EYS: variants seen among roughly 807,000 people sequenced by gnomAD.
EYS encodes the protein EGF-like photoreceptor maintenance factor, also known as protein eyes shut homolog.
EYS carries 250 observed loss-of-function variants against 282.1 expected under a neutral mutation model. That is an observed-to-expected ratio of 0.89 (90% confidence interval 0.80 to 0.98). The LOEUF is 0.98. Among genes scored for constraint, EYS ranks in the 50% least tolerant of loss-of-function variants. The probability of loss-of-function intolerance (pLI) is 0.00; values close to 1 mark genes in which losing one functional copy is unlikely to be tolerated. For missense variants in EYS, 4,016 were observed against 3,709.0 expected, an observed-to-expected ratio of 1.08 and a Z score of -2.15; for synonymous variants, 1,355 against 1,282.9, an observed-to-expected ratio of 1.06 and a Z score of -1.20.
intron 12 of EYS, among the ~76,000 whole-genome samples, chr6:65,104,698 C>A (rs1345203633): frequency 6.6e-6 from 1 of 151,370 alleles, no homozygotes; most frequent in African/African-American, 2.4e-5. Context: ...AATATTGTGA[C>A]CTCTCTTCAA....
chr6:64,148,693 T>C (rs953595160), intron 31 of EYS, among the ~76,000 whole-genome samples: 3 of 152,168 alleles, frequency 2.0e-5, no homozygotes, highest in African/African-American at 7.2e-5. Context: ...CTTTGTCCTA[T>C]ACTTTCTTTG....
intron 8 of EYS, among the ~76,000 whole-genome samples, chr6:65,365,432 C>G (rs567877561): frequency 6.6e-6 from 1 of 151,656 alleles, no homozygotes; most frequent in African/African-American, 2.4e-5. Flanking sequence ...TGTATCTCCC[C>G]CTGTGTGAGT....
rs576290881 is a variant in EYS, at chr6:65,555,703, C to T, written c.-332-59710G>A. ...CAAATTAATAACTGTTTCTTACTTTCGTAATTAGTTTTTGGGACTCTAATT... is the reference window on the plus strand; with the variant it reads ...CAAATTAATAACTGTTTCTTACTTTTGTAATTAGTTTTTGGGACTCTAATT... On this transcript the variant is annotated intron_variant, in intron 2 of 42. Coordinates refer to ENST00000503581, the MANE Select transcript of EYS (RefSeq NM_001142800.2). Among the ~76,000 whole-genome samples, 186 of 152,162 alleles carry T rather than the reference C, an allele frequency of 1.2e-3. 1 individual carries two copies. The highest frequency in any genetic ancestry group is 6.8e-3 in the Middle Eastern group (2 of 294).
intron 35 of EYS, among the ~76,000 whole-genome samples, chr6:63,952,024 C>T (rs1371791219): frequency 6.6e-6 from 1 of 152,190 alleles, no homozygotes; most frequent in African/African-American, 2.4e-5. Flanking sequence ...ACTAACCTCA[C>T]CTTCAAGGTG....
At chr6:65,699,018 C>T (rs138129339) in intron 1 of EYS, among the ~76,000 whole-genome samples, 83 of 152,256 alleles carry the variant, frequency 5.5e-4, no homozygotes, top group African/African-American at 1.8e-3. Context: ...TGATTCAGCA[C>T]GAGCTTTATT....
intron 2 of EYS, among the ~76,000 whole-genome samples, chr6:65,639,119 T>A (rs1455864003): frequency 6.6e-6 from 1 of 152,180 alleles, no homozygotes; most frequent in South Asian, 2.1e-4. Flanking sequence ...ATCCTCTTAG[T>A]TGCCAAATCT....
At chr6:64,858,832 T>C (rs1267304708) in intron 19 of EYS, among the ~76,000 whole-genome samples, 1 of 152,170 alleles carries the variant, frequency 6.6e-6, no homozygotes, top group Non-Finnish European at 1.5e-5. Context: ...AAAGGGAATG[T>C]ACCTCAACAC....
intron 26 of EYS, among the ~76,000 whole-genome samples, chr6:64,469,744 CCTA>C (rs1776049469): frequency 6.6e-6 from 1 of 152,046 alleles, no homozygotes; most frequent in Non-Finnish European, 1.5e-5. Flanking sequence ...AGACTCTACT[CCTA>C]CACCTCTTGT....
At chr6:64,110,119 C>T (rs1339053862) in intron 31 of EYS, among the ~76,000 whole-genome samples, 1 of 151,760 alleles carries the variant, frequency 6.6e-6, no homozygotes, top group Non-Finnish European at 1.5e-5. Flanking sequence ...AAGTGCTACA[C>T]GGTATGAACC....
chr6:64,278,314 C>T (rs1768183143), intron 30 of EYS, among the ~76,000 whole-genome samples: 1 of 152,092 alleles, frequency 6.6e-6, no homozygotes, highest in African/African-American at 2.4e-5. Flanking sequence ...ATATCAAGAT[C>T]ATATATTAAT....
At chr6:65,379,197 C>T (rs376074606) in intron 8 of EYS, among the ~76,000 whole-genome samples, 1 of 152,064 alleles carries the variant, frequency 6.6e-6, no homozygotes, top group African/African-American at 2.4e-5. Context: ...CACTGATGAA[C>T]TTCGACGTGA....
chr6:65,052,857 C>A (rs181563239), intron 13 of EYS, among the ~76,000 whole-genome samples: 2 of 151,626 alleles, frequency 1.3e-5, no homozygotes, highest in African/African-American at 4.8e-5. Flanking sequence ...CAACCACTTA[C>A]GCCAGTGGAT....
At chr6:65,395,543 G>GGTAA (rs1766248290) in intron 7 of EYS, among the ~76,000 whole-genome samples, 1 of 152,120 alleles carries the variant, frequency 6.6e-6, no homozygotes, top group South Asian at 2.1e-4. Context: ...GGGGATAGCA[G>GGTAA]GTAAGATCTA....
intron 9 of EYS, among the ~76,000 whole-genome samples, chr6:65,351,423 TAC>T (rs1156662470): frequency 6.6e-6 from 1 of 151,816 alleles, no homozygotes; most frequent in African/African-American, 2.4e-5. Context: ...AACTTTGTAT[TAC>T]ACCACCCATT....
intron 2 of EYS, among the ~76,000 whole-genome samples, chr6:65,507,529 G>C (rs190379667): frequency 6.6e-6 from 1 of 151,962 alleles, no homozygotes; most frequent in Admixed American, 6.6e-5. Flanking sequence ...TTTCAGCTCT[G>C]TTCTCTTTCT....
intron 12 of EYS, among the ~76,000 whole-genome samples, chr6:65,265,865 A>G (rs534363250): frequency 6.6e-6 from 1 of 152,084 alleles, no homozygotes; most frequent in Admixed American, 6.6e-5. Flanking sequence ...CTGTAAAATG[A>G]AGGTAACAGC....
At chr6:64,477,117 A>T (rs563243120) in intron 26 of EYS, among the ~76,000 whole-genome samples, 1 of 152,080 alleles carries the variant, frequency 6.6e-6, no homozygotes, top group Non-Finnish European at 1.5e-5. Context: ...CAGTTTTTTC[A>T]ATGTGAATTA....
At chr6:64,871,230 A>G (rs960125224) in intron 19 of EYS, among the ~76,000 whole-genome samples, 25 of 151,822 alleles carry the variant, frequency 1.6e-4, no homozygotes, top group African/African-American at 5.8e-4. Context: ...CATTTGCATA[A>G]TATTCAATGT....
intron 23 of EYS, among the ~76,000 whole-genome samples, chr6:64,621,255 G>A (rs1265567961): frequency 2.6e-5 from 4 of 151,972 alleles, no homozygotes; most frequent in African/African-American, 9.7e-5. Context: ...AATACTTTGA[G>A]TTTATGAATG....
Sources: gnomAD v4.1 joint callset for allele counts (sites outside exome capture counted in the v4.1 genomes callset) on GRCh38, gnomAD v4.1.1 for gene constraint, MANE v1.5 for transcripts, NCBI Gene and HGNC (gene_info 2026-07-23, HGNC 2026-07-21) for gene names.